The following GALK2 variants were observed in gnomAD, a reference collection of about 807,000 sequenced individuals.
The protein encoded by GALK2 is N-acetylgalactosamine kinase.
GALK2 carries 36 observed loss-of-function variants against 52.4 expected under a neutral mutation model. The observed-to-expected ratio is 0.69, with a 90% CI of 0.53 to 0.91. GALK2 has a LOEUF of 0.91. Among genes scored for constraint, GALK2 ranks in the 40% least tolerant of loss-of-function variants. GALK2 has a pLI of 0.00. For synonymous variants in GALK2, 176 were observed against 199.1 expected (o/e 0.88, Z 0.98); for missense variants, 579 against 559.1 (o/e 1.04, Z -0.36).
At chr15:49,362,290 G>A (rs553917083) in intron 3 of GALK2, among the ~76,000 whole-genome samples, 27 of 152,150 alleles carry the variant, frequency 1.8e-4, no homozygotes, top group African/African-American at 6.5e-4. Flanking sequence ...TGGCTTAAAA[G>A]TGTATGGCAC....
rs1461837055 is a variant in GALK2, at chr15:49,256,185, AT to A, written c.504+16820del. Among the ~76,000 whole-genome samples, 5 of 152,116 alleles carry A rather than the reference AT, an allele frequency of 3.3e-5. No homozygotes were observed. In the East Asian group the frequency reaches 9.7e-4, roughly 29 times the overall value. On this transcript the variant is annotated intron_variant, in intron 5 of 9. Coordinates refer to ENST00000560031, the MANE Select transcript of GALK2 (RefSeq NM_002044.4). ...ATATTTACATGTCTTTGTGTCTGTA[AT>A]TATTGTAATCTTTTAAGGGGTTTAT...
At chr15:49,288,667 G>A (rs779279215) in intron 7 of GALK2, among the ~76,000 whole-genome samples, 18 of 152,178 alleles carry the variant, frequency 1.2e-4, no homozygotes, top group Non-Finnish European at 2.4e-4. Flanking sequence ...TGGTGAGTCC[G>A]AGCTGCATGG....
downstream of GALK2, among the ~76,000 whole-genome samples, chr15:49,334,502 G>A (rs979718514): frequency 1.3e-5 from 2 of 152,156 alleles, no homozygotes; most frequent in Non-Finnish European, 2.9e-5. Context: ...CACAACACCT[G>A]AGTACAGCTG....
chr15:49,238,276 G>A (rs943604093), intron 4 of GALK2, among the ~76,000 whole-genome samples: 7 of 152,196 alleles, frequency 4.6e-5, no homozygotes, highest in African/African-American at 1.7e-4. Context: ...CAAAGGTTAT[G>A]ATATGATATC....
chr15:49,175,724 G>A (rs2085396098), intron 1 of GALK2, among the ~76,000 whole-genome samples: 1 of 152,108 alleles, frequency 6.6e-6, no homozygotes, highest in Non-Finnish European at 1.5e-5. Context: ...AAAACTAAAA[G>A]GCAGAAATGA....
chr15:49,224,772 C>G (rs886752994), intron 3 of GALK2, among the ~76,000 whole-genome samples: 3 of 152,198 alleles, frequency 2.0e-5, no homozygotes, highest in Non-Finnish European at 2.9e-5. Context: ...AATGTGATAA[C>G]TCCAATTTTT....
At chr15:49,339,126 T>C (rs1440296804) in intron 3 of GALK2, among the ~76,000 whole-genome samples, 2 of 152,228 alleles carry the variant, frequency 1.3e-5, no homozygotes, top group Non-Finnish European at 2.9e-5. Context: ...TGAAGCCTAC[T>C]TCTGTCAGTT....
At position 49,292,359 on chromosome 15, in the gene GALK2, C is replaced by T; in HGVS notation, c.789C>T (p.Asp263=). The T allele has an allele frequency of 6.2e-7, 1 of 1,613,990 alleles. No homozygotes were observed. The highest frequency in any genetic ancestry group is 1.1e-5 in the South Asian group (1 of 91,070). ...LLAKYKSLQW[D]KVLRLEEVQA... ...CTAAATACAAAAGCTTGCAATGGGA[C>T]AAAGTACTGAGGCTGGAGGAGGTGC... The change falls in exon 8 of 10, where the codon GAC becomes GAT. Residue 263 remains aspartate (D), a synonymous_variant. Coordinates refer to ENST00000560031, the MANE Select transcript of GALK2 (RefSeq NM_002044.4).
chr15:49,277,806 C>T lies in GALK2; in HGVS notation c.505-4181C>T, dbSNP rs112547462. ...TGAGACTCCGTCTCAAACAAACGAA[C>T]AAACAAAAAAGGATTTGACCTTTCT... is the stretch of plus-strand genomic sequence containing the variant. On this transcript the variant is annotated intron_variant, in intron 5 of 9. Transcript: ENST00000560031. Among the ~76,000 whole-genome samples, 973 of 151,700 alleles carry T rather than the reference C, an allele frequency of 6.4e-3. 17 individuals are homozygous for T. The highest frequency in any genetic ancestry group is 0.023 in the African/African-American group (936 of 41,438).
intron 5 of GALK2, among the ~76,000 whole-genome samples, chr15:49,247,869 C>T (rs192025980): frequency 1.6e-4 from 24 of 152,280 alleles, no homozygotes; most frequent in Middle Eastern, 3.4e-3. Flanking sequence ...TTGCTTAAGT[C>T]CCTGAACAGA....
chr15:49,278,173 A>G (rs2032151713), intron 5 of GALK2, among the ~76,000 whole-genome samples: 1 of 152,144 alleles, frequency 6.6e-6, no homozygotes, highest in Non-Finnish European at 1.5e-5. Flanking sequence ...AGGCAGGAGA[A>G]TGGCGTGAAC....
intron 1 of GALK2, among the ~76,000 whole-genome samples, chr15:49,187,556 T>A (rs1344892365): frequency 6.6e-6 from 1 of 152,170 alleles, no homozygotes; most frequent in African/African-American, 2.4e-5. Context: ...AAATGCTGTC[T>A]AGGAGTCAGG....
In GALK2 at chr15:49,318,989, C is replaced by T. The variant is rs540750956; in HGVS notation, c.968-615C>T. ...TTTTTGAGACGGAGTCGTGCTCTAT[C>T]GCCCAGGCTGGAGTGCAACGGCGTG... On this transcript the variant is annotated intron_variant, in intron 8 of 9. Coordinates refer to ENST00000560031, the MANE Select transcript of GALK2 (RefSeq NM_002044.4). 1,200 of 443,538 alleles carry T rather than the reference C, an allele frequency of 2.7e-3. 20 individuals are homozygous for T. Among genetic ancestry groups the T allele is most frequent in the South Asian group, 0.018 (1,143 of 62,814 alleles). 27.5% of individuals were successfully genotyped at this position (443,538 alleles called of 1,614,324 possible).
intron 9 of GALK2, among the ~76,000 whole-genome samples, chr15:49,323,402 C>T (rs2037064574): frequency 6.6e-6 from 1 of 152,062 alleles, no homozygotes; most frequent in Non-Finnish European, 1.5e-5. Flanking sequence ...GCTTGTTTTC[C>T]CCAAAAGAGG....
intron 5 of GALK2, among the ~76,000 whole-genome samples, chr15:49,255,045 G>A (rs980603883): frequency 7.0e-6 from 1 of 143,080 alleles, no homozygotes; most frequent in Admixed American, 7.1e-5. Flanking sequence ...TCACCTCTGA[G>A]TACATCAATA....
At chr15:49,173,120 A>G (rs2085209283) in intron 1 of GALK2, among the ~76,000 whole-genome samples, 1 of 152,102 alleles carries the variant, frequency 6.6e-6, no homozygotes, top group African/African-American at 2.4e-5. Context: ...TTATAGATTT[A>G]GTCACTTTGG....
At chr15:49,366,358 A>G (rs1236434724) in intron 3 of GALK2, 15 of 788,096 alleles carry the variant, frequency 1.9e-5, no homozygotes, top group Non-Finnish European at 3.5e-5. Context: ...ACATTGCTTC[A>G]GCACCTCTTT....
At chr15:49,220,601 A>G (rs1432436251) in intron 3 of GALK2, among the ~76,000 whole-genome samples, 3 of 152,192 alleles carry the variant, frequency 2.0e-5, no homozygotes, top group African/African-American at 7.2e-5. Context: ...AATACGCAGT[A>G]TTAGGGTTGC....
At chr15:49,308,658 A>G (rs992896079) in intron 8 of GALK2, among the ~76,000 whole-genome samples, 3 of 152,146 alleles carry the variant, frequency 2.0e-5, no homozygotes, top group African/African-American at 7.2e-5. Context: ...AGAATGAGGG[A>G]GATGATGGTC....
Sources: gnomAD v4.1 joint callset for allele counts (sites outside exome capture counted in the v4.1 genomes callset) on GRCh38, gnomAD v4.1.1 for gene constraint, MANE v1.5 for transcripts, NCBI Gene and HGNC (gene_info 2026-07-23, HGNC 2026-07-21) for gene names.